The following ALX1 variants were observed in gnomAD, a reference collection of about 807,000 sequenced individuals.
ALX1 encodes the protein ALX homeobox 1.
ALX1 carries 19 observed loss-of-function variants against 31.7 expected under a neutral mutation model. The ratio of observed to expected loss-of-function variants is 0.60; its 90% CI spans 0.42 to 0.88. The LOEUF is 0.88. ALX1 is among the 40% of genes least tolerant of loss of function. The probability of loss-of-function intolerance (pLI) is 0.00; values close to 1 mark genes in which losing one functional copy is unlikely to be tolerated. For synonymous variants in ALX1, 153 were observed against 148.8 expected, an observed-to-expected ratio of 1.03 and a Z score of -0.20; for missense variants, 415 against 407.8, an observed-to-expected ratio of 1.02 and a Z score of -0.15.
chr12:85,281,173 A>G (rs1268121227), intron 1 of ALX1, among the ~76,000 whole-genome samples: 1 of 152,176 alleles, frequency 6.6e-6, no homozygotes, highest in Non-Finnish European at 1.5e-5. Flanking sequence ...CCCCGGCCTA[A>G]TCACTCATTC....
chr12:85,287,058 T>A (rs1188113387), intron 3 of ALX1, 77 bp downstream of exon 3: 2 of 1,528,030 alleles, frequency 1.3e-6, no homozygotes, highest in Middle Eastern at 1.7e-4. Flanking sequence ...TAGCATAGGC[T>A]TTATTATATG....
chr12:85,284,920 A>T (rs776628165), intron 2 of ALX1, among the ~76,000 whole-genome samples: 1 of 152,026 alleles, frequency 6.6e-6, no homozygotes, highest in Non-Finnish European at 1.5e-5. Context: ...TTAAAATTGT[A>T]AGGCTCTTAC....
At chr12:85,300,393 T>C (rs926099747) in intron 3 of ALX1, among the ~76,000 whole-genome samples, 1 of 152,060 alleles carries the variant, frequency 6.6e-6, no homozygotes, top group African/African-American at 2.4e-5. Context: ...TGCATTATAC[T>C]CATCTGATGT....
At chr12:85,297,561 G>T (rs977975855) in intron 3 of ALX1, among the ~76,000 whole-genome samples, 40 of 151,548 alleles carry the variant, frequency 2.6e-4, no homozygotes, top group African/African-American at 9.7e-4. Context: ...GAAAAGAAAT[G>T]GAATTTTTTT....
intron 3 of ALX1, among the ~76,000 whole-genome samples, chr12:85,295,053 C>T (rs968187924): frequency 2.6e-5 from 4 of 151,114 alleles, no homozygotes; most frequent in Non-Finnish European, 5.9e-5. Context: ...TGAGAAGACA[C>T]TGATGAAAAT....
At chr12:85,294,004 C>T (rs1204706204) in intron 3 of ALX1, among the ~76,000 whole-genome samples, 1 of 150,908 alleles carries the variant, frequency 6.6e-6, no homozygotes, top group Admixed American at 6.6e-5. Context: ...TTTAAAATTA[C>T]AAAAATAAAA....
At chr12:85,296,959 T>C (rs1413119111) in intron 3 of ALX1, among the ~76,000 whole-genome samples, 1 of 151,746 alleles carries the variant, frequency 6.6e-6, no homozygotes, top group East Asian at 1.9e-4. Context: ...ATATAATTTT[T>C]CCTTTAACGA....
intron 3 of ALX1, among the ~76,000 whole-genome samples, chr12:85,291,114 A>G (rs556749061): frequency 6.1e-4 from 92 of 151,270 alleles, no homozygotes; most frequent in Middle Eastern, 3.4e-3. Context: ...TTTGTTATTA[A>G]CCAGTTTTGT....
intron 3 of ALX1, among the ~76,000 whole-genome samples, chr12:85,289,416 G>A (rs1044598043): frequency 5.3e-5 from 8 of 151,114 alleles, no homozygotes; most frequent in African/African-American, 1.5e-4. Context: ...CCTAGACACC[G>A]ATGGAGGAAC....
intron 3 of ALX1, among the ~76,000 whole-genome samples, chr12:85,299,077 G>A (rs1242918922): frequency 6.6e-6 from 1 of 150,504 alleles, no homozygotes. Flanking sequence ...TATAAATCAA[G>A]CAATTCTTTA....
intron 2 of ALX1, among the ~76,000 whole-genome samples, chr12:85,286,320 G>C (rs929075285): frequency 2.0e-5 from 3 of 151,710 alleles, no homozygotes; most frequent in Middle Eastern, 3.2e-3. Context: ...CATATATTTA[G>C]GTGTAATCTT....
intron 3 of ALX1, among the ~76,000 whole-genome samples, chr12:85,295,217 T>C (rs55900450): frequency 0.2 from 30,541 of 151,184 alleles, 7,137 homozygotes; most frequent in African/African-American, 0.57. Context: ...TAAAGATTCA[T>C]TTATACTCTT....
At chr12:85,280,626 G>C in intron 1 of ALX1, 139 bp downstream of exon 1, 1 of 968,142 alleles carries the variant, frequency 1.0e-6, no homozygotes, top group Non-Finnish European at 1.6e-6. Context: ...GTAGTGGAAG[G>C]TGCTCGCTTT....
chr12:85,280,368 A>C lies in ALX1; in HGVS notation c.107A>C (p.Asp36Ala). ...GPLEHVMETLDNESFYSKASA... is the reference protein window; with the variant it reads ...GPLEHVMETLANESFYSKASA... The stretch of plus-strand genomic sequence containing the variant: ...CTGGAGCACGTTATGGAGACGCTGG[A>C]CAATGAGTCCTTTTACAGCAAAGCG... The change falls in exon 1 of 4, where the codon GAC becomes GCC. Residue 36 changes from aspartate (D) to alanine (A), a missense_variant. Asp to Ala is a moderately radical substitution (Grantham distance 126, BLOSUM62 -2). Coordinates refer to ENST00000316824, the MANE Select transcript of ALX1 (RefSeq NM_006982.3). 6.2e-7 allele frequency: 1 copy of C among 1,613,986 alleles called. No individual in the cohort carries two copies.
At chr12:85,298,516 G>A (rs147629860) in intron 3 of ALX1, among the ~76,000 whole-genome samples, 1 of 151,674 alleles carries the variant, frequency 6.6e-6, no homozygotes. Context: ...TTACAATGTG[G>A]AAACCAACAA....
chr12:85,293,241 TAA>T (rs548659968), intron 3 of ALX1, among the ~76,000 whole-genome samples: 4 of 115,354 alleles, frequency 3.5e-5, no homozygotes, highest in Admixed American at 7.7e-5. Context: ...TAAATATGAA[TAA>T]AATATTTATA....
Position 85,301,551 on chromosome 12 carries a change from A to G in ALX1, c.*76A>G. The G allele has an allele frequency of 2.7e-6, 4 of 1,462,682 alleles. No homozygotes were observed. Among genetic ancestry groups the G allele is most frequent in the Non-Finnish European group, 3.8e-6 (4 of 1,058,382 alleles). The allele number at this position is 1,462,682 out of a possible 1,614,324, so 90.6% of individuals were successfully genotyped here. A position where few individuals can be genotyped will look rare whatever the true frequency, so the allele number is the denominator to read the frequency against. ...TTTCTCATATTTAAAGGATACCACA[A>G]TAAGCTGCTGTGTGTGGAATTGCTA... is the stretch of plus-strand genomic sequence containing the variant. On this transcript the variant is annotated 3_prime_UTR_variant, in exon 4 of 4. Coordinates refer to ENST00000316824, the MANE Select transcript of ALX1 (RefSeq NM_006982.3).
At chr12:85,287,116 C>A in intron 3 of ALX1, 135 bp downstream of exon 3, 1 of 1,028,360 alleles carries the variant, frequency 9.7e-7, no homozygotes, top group Non-Finnish European at 1.4e-6. Context: ...AAACATTCTT[C>A]ATGTCTGCTA....
chr12:85,289,591 T>C (rs1409903230), intron 3 of ALX1, among the ~76,000 whole-genome samples: 2 of 151,178 alleles, frequency 1.3e-5, no homozygotes, highest in Non-Finnish European at 3.0e-5. Flanking sequence ...GGAGAACATA[T>C]GTTGGAATTA....
Sources: allele counts gnomAD v4.1 joint callset (sites outside exome capture counted in the v4.1 genomes callset), GRCh38; gene constraint gnomAD v4.1.1; transcripts MANE v1.5; gene names NCBI Gene and HGNC (gene_info 2026-07-23, HGNC 2026-07-21).